Variants in TEAD1 observed in about 807,000 individuals in gnomAD.
The protein encoded by TEAD1 is transcriptional enhancer factor TEF-1.
Under a neutral mutation model 54.9 loss-of-function variants are expected in TEAD1, and 9 were observed. The ratio of observed to expected loss-of-function variants is 0.16; its 90% CI spans 0.10 to 0.29. The LOEUF (loss-of-function observed/expected upper bound fraction) is 0.29. TEAD1 is among the 10% of genes least tolerant of loss of function. TEAD1 has a pLI of 1.00. For synonymous variants in TEAD1, 200 were observed against 187.8 expected (o/e 1.07, Z -0.53); for missense variants, 387 against 535.9 (o/e 0.72, Z 2.74).
At chr11:12,898,338 G>C (rs10500765) in intron 9 of TEAD1, among the ~76,000 whole-genome samples, 41,724 of 151,706 alleles carry the variant, frequency 0.28, 8,389 homozygotes, top group East Asian at 0.74. Flanking sequence ...TCTAGTGAAT[G>C]TCACATGATA....
intron 3 of TEAD1, among the ~76,000 whole-genome samples, chr11:12,784,492 A>AG (rs542020863): frequency 7.6e-4 from 116 of 152,352 alleles, no homozygotes; most frequent in Admixed American, 2.3e-3. Flanking sequence ...AAGAAAGGCT[A>AG]GGATAGAATC....
chr11:12,741,571 T>C (rs1303616827), intron 2 of TEAD1, among the ~76,000 whole-genome samples: 1 of 152,228 alleles, frequency 6.6e-6, no homozygotes. Context: ...CTAGTGATCA[T>C]GCATATTTTC....
At chr11:12,776,008 A>G (rs919208900) in intron 3 of TEAD1, among the ~76,000 whole-genome samples, 5 of 151,928 alleles carry the variant, frequency 3.3e-5, no homozygotes, top group African/African-American at 1.2e-4. Context: ...GCAGGGTCAC[A>G]GTGGGCAGGG....
chr11:12,828,532 T>C (rs1465316621), intron 3 of TEAD1, among the ~76,000 whole-genome samples: 1 of 152,188 alleles, frequency 6.6e-6, no homozygotes, highest in Non-Finnish European at 1.5e-5. Context: ...AGCATTTTTA[T>C]TGGCTCTTGT....
intron 3 of TEAD1, among the ~76,000 whole-genome samples, chr11:12,822,938 G>A (rs1946582096): frequency 1.3e-5 from 2 of 152,164 alleles, no homozygotes. Context: ...AACTTAAAAA[G>A]CAATTCAAAG....
At chr11:12,745,895 C>T (rs959613436) in intron 2 of TEAD1, among the ~76,000 whole-genome samples, 15 of 152,184 alleles carry the variant, frequency 9.9e-5, no homozygotes, top group African/African-American at 1.4e-4. Flanking sequence ...TTTGCACGTA[C>T]GGGATTACAG....
chr11:12,753,383 C>T (rs1944917589), intron 2 of TEAD1, among the ~76,000 whole-genome samples: 1 of 152,184 alleles, frequency 6.6e-6, no homozygotes, highest in South Asian at 2.1e-4. Flanking sequence ...TTTGCGCTCT[C>T]ATCAGTTCTT....
intron 2 of TEAD1, among the ~76,000 whole-genome samples, chr11:12,684,863 G>A (rs2133816084): frequency 6.6e-6 from 1 of 152,346 alleles, no homozygotes; most frequent in South Asian, 2.1e-4. Context: ...ATGAATGGTT[G>A]CCCATCTCTT....
intron 12 of TEAD1, among the ~76,000 whole-genome samples, chr11:12,936,131 A>G (rs193182017): frequency 6.6e-6 from 1 of 152,338 alleles, no homozygotes; most frequent in Non-Finnish European, 1.5e-5. Flanking sequence ...AGAGTCACTG[A>G]CGCGTTTCAT....
At chr11:12,694,723 T>C (rs1447011792) in intron 2 of TEAD1, among the ~76,000 whole-genome samples, 1 of 152,198 alleles carries the variant, frequency 6.6e-6, no homozygotes, top group East Asian at 1.9e-4. Flanking sequence ...TCATTTTCAT[T>C]TACCAACTCT....
chr11:12,744,052 A>G (rs891360094), intron 2 of TEAD1, among the ~76,000 whole-genome samples: 1 of 152,238 alleles, frequency 6.6e-6, no homozygotes. Context: ...AGGTGTTGAT[A>G]GATTCTTCAC....
intron 2 of TEAD1, among the ~76,000 whole-genome samples, chr11:12,732,909 CT>C (rs2133881960): frequency 6.6e-6 from 1 of 152,272 alleles, no homozygotes; most frequent in East Asian, 1.9e-4. Context: ...CATTATTGAG[CT>C]TGAGGCTTGC....
At chr11:12,752,466 A>G (rs949360230) in intron 2 of TEAD1, among the ~76,000 whole-genome samples, 1 of 152,170 alleles carries the variant, frequency 6.6e-6, no homozygotes, top group African/African-American at 2.4e-5. Flanking sequence ...CCTGACTTCT[A>G]ATAACGTAGA....
At chr11:12,845,981 C>CAGCT (rs1947140816) in intron 3 of TEAD1, among the ~76,000 whole-genome samples, 3 of 152,382 alleles carry the variant, frequency 2.0e-5, no homozygotes, top group Non-Finnish European at 4.4e-5. Flanking sequence ...AGCATGCTTA[C>CAGCT]AGCTGGCCCT....
intron 3 of TEAD1, among the ~76,000 whole-genome samples, chr11:12,812,635 C>T (rs1434120024): frequency 6.6e-6 from 1 of 152,114 alleles, no homozygotes; most frequent in African/African-American, 2.4e-5. Flanking sequence ...TAATATAAAA[C>T]CTATGAAATT....
At chr11:12,714,326 T>C (rs10741601) in intron 2 of TEAD1, among the ~76,000 whole-genome samples, 55,594 of 152,010 alleles carry the variant, frequency 0.37, 10,831 homozygotes, top group South Asian at 0.62. Context: ...CCTGTCTTTG[T>C]CCCCAGCAGC....
At chr11:12,719,745 C>G (rs946192491) in intron 2 of TEAD1, among the ~76,000 whole-genome samples, 2 of 151,878 alleles carry the variant, frequency 1.3e-5, no homozygotes, top group South Asian at 2.1e-4. Flanking sequence ...GATATTGGTT[C>G]AAACTGCGAA....
chr11:12,716,336 G>C (rs958391160), intron 2 of TEAD1, among the ~76,000 whole-genome samples: 4 of 123,780 alleles, frequency 3.2e-5, no homozygotes. Context: ...AGGAGTTCAC[G>C]GGGGGGTTCC....
chr11:12,734,804 C>T (rs913090295), intron 2 of TEAD1, among the ~76,000 whole-genome samples: 1 of 152,150 alleles, frequency 6.6e-6, no homozygotes, highest in East Asian at 1.9e-4. Flanking sequence ...TGTAACTGTG[C>T]TCTGTGATGT....
Sources: gnomAD v4.1 joint callset for allele counts (sites outside exome capture counted in the v4.1 genomes callset) on GRCh38, gnomAD v4.1.1 for gene constraint, MANE v1.5 for transcripts, NCBI Gene and HGNC (gene_info 2026-07-23, HGNC 2026-07-21) for gene names.